TXNL1: variants seen among roughly 807,000 people sequenced by gnomAD.
TXNL1 encodes thioredoxin like 1, also known as thioredoxin-like protein 1.
TXNL1 carries 14 observed loss-of-function variants against 35.5 expected under a neutral mutation model. That is an observed-to-expected ratio of 0.39 (90% CI 0.26 to 0.62). The LOEUF (loss-of-function observed/expected upper bound fraction) is 0.62, where lower values mean the gene tolerates loss of function less well. Ranked by LOEUF, TXNL1 falls within the 20% of genes least tolerant of loss-of-function variation. The probability of loss-of-function intolerance (pLI) is 0.47; values close to 1 mark genes in which losing one functional copy is unlikely to be tolerated. For missense variants in TXNL1, 263 were observed against 349.7 expected (o/e 0.75, Z 1.98); for synonymous variants, 110 against 115.5 (o/e 0.95, Z 0.31).
At chr18:56,604,614 A>G (rs1244842897) in intron 7 of TXNL1, 2 of 152,218 alleles carry the variant, frequency 1.3e-5, no homozygotes, top group Non-Finnish European at 2.9e-5. Flanking sequence ...GGTGTAAAAA[A>G]TATTTATTCA....
Position 56,619,963 on chromosome 18 carries a change from G to GTTATTA in TXNL1, c.370-1843_370-1838dup, listed in dbSNP as rs549715712. ...ACATGCTTTAAAAAAACTCAATTTT[G>GTTATTA]TTATTATTATTATTATTATTTTTTT... On this transcript the variant is annotated intron_variant, in intron 3 of 7. Coordinates refer to ENST00000217515, the MANE Select transcript of TXNL1 (RefSeq NM_004786.3). Among the ~76,000 whole-genome samples the GTTATTA allele has an allele frequency of 1.8e-3, 276 of 151,834 alleles. 1 individual carries two copies. Among genetic ancestry groups the GTTATTA allele is most frequent in the African/African-American group, 6.3e-3 (262 of 41,418 alleles).
Position 56,598,345 on chromosome 18 carries a change from A to G in TXNL1, c.*4682T>C, listed in dbSNP as rs1307333110. Reference sequence around the variant, plus strand: ...AGCTTGATAAGTATCCGGATGAAATAATGGCAAGGTGTCATAGCAGCTGAG... The same window carrying G: ...AGCTTGATAAGTATCCGGATGAAATGATGGCAAGGTGTCATAGCAGCTGAG... On this transcript the variant is annotated 3_prime_UTR_variant, in exon 8 of 8. Coordinates refer to ENST00000217515, the MANE Select transcript of TXNL1 (RefSeq NM_004786.3). 1 of 152,208 alleles carries G rather than the reference A, an allele frequency of 6.6e-6. No homozygotes were observed. The highest frequency in any genetic ancestry group is 1.5e-5 in the Non-Finnish European group (1 of 68,046). 9.4% of individuals were successfully genotyped at this position (152,208 alleles called of 1,614,324 possible). A position where few individuals can be genotyped will look rare whatever the true frequency, so the allele number is the denominator to read the frequency against.
intron 6 of TXNL1, among the ~76,000 whole-genome samples, chr18:56,614,055 T>G (rs17090266): frequency 0.61 from 92,991 of 151,972 alleles, 33,152 homozygotes; most frequent in Non-Finnish European, 0.78. Context: ...ACCACCACAC[T>G]TAAAAACTCC....
intron 7 of TXNL1, chr18:56,605,181 C>G (rs1278947918): frequency 6.6e-6 from 1 of 152,072 alleles, no homozygotes; most frequent in Non-Finnish European, 1.5e-5. Context: ...ATTGAGGAAA[C>G]CTAGGTAACA....
At chr18:56,620,683 A>G (rs1243153597) in intron 3 of TXNL1, among the ~76,000 whole-genome samples, 2 of 152,244 alleles carry the variant, frequency 1.3e-5, no homozygotes, top group African/African-American at 2.4e-5. Flanking sequence ...CAAGTATTAT[A>G]GATGAGTCAC....
At position 56,597,942 on chromosome 18, in the gene TXNL1, T is replaced by G. The variant is rs1156484611; in HGVS notation, c.*5085A>C. Reference sequence around the variant, plus strand: ...TTGTGAGACATCACAGACTTCTCTATGCTCGCTCCTCCCATAAATTAAGGA... The same window carrying G: ...TTGTGAGACATCACAGACTTCTCTAGGCTCGCTCCTCCCATAAATTAAGGA... On this transcript the variant is annotated 3_prime_UTR_variant, in exon 8 of 8. Transcript: ENST00000217515. The G allele has an allele frequency of 6.6e-6, 1 of 152,260 alleles. No homozygotes were observed. The highest frequency in any genetic ancestry group is 1.5e-5 in the Non-Finnish European group (1 of 68,054). The allele number at this position is 152,260 out of a possible 1,614,324, so 9.4% of individuals were successfully genotyped here.
rs534088528 is a variant in TXNL1, at chr18:56,622,470, C to T, written c.369+1818G>A. ...ATGGTATCATCGTTATATAAGATTA[C>T]CAAATTTAAATACTGAATAACCCTG... On this transcript the variant is annotated intron_variant, in intron 3 of 7. Coordinates refer to ENST00000217515, the MANE Select transcript of TXNL1 (RefSeq NM_004786.3). Among the ~76,000 whole-genome samples the T allele has an allele frequency of 2.0e-4, 30 of 152,038 alleles. No individual in the cohort carries two copies. The South Asian group carries it at 6.2e-3, about 32-fold the overall frequency.
At chr18:56,603,206 CTG>C (rs2023835237) in intron 7 of TXNL1, 150 bp from the exon 8 acceptor site, 1 of 586,426 alleles carries the variant, frequency 1.7e-6, no homozygotes, top group Middle Eastern at 4.7e-4. Context: ...TTGAAGCAAA[CTG>C]TGACCTCCCC....
intron 7 of TXNL1, chr18:56,609,804 A>G (rs1320248593): frequency 6.6e-6 from 1 of 152,216 alleles, no homozygotes; most frequent in African/African-American, 2.4e-5. Context: ...GTCATAATAC[A>G]TATGTGAAAC....
chr18:56,625,445 G>A (rs765934085), intron 2 of TXNL1, among the ~76,000 whole-genome samples: 7 of 152,046 alleles, frequency 4.6e-5, no homozygotes, highest in Non-Finnish European at 7.4e-5. Context: ...AATCTGATCT[G>A]TATTTTATAC....
chr18:56,608,967 C>CAAAAAA (rs1568099229), intron 7 of TXNL1: 2 of 146,640 alleles, frequency 1.4e-5, no homozygotes, highest in Non-Finnish European at 1.5e-5. Context: ...AAAAAAAAAT[C>CAAAAAA]ATAAAATTCT....
At chr18:56,635,499 G>A (rs2024442263) in intron 1 of TXNL1, among the ~76,000 whole-genome samples, 1 of 152,278 alleles carries the variant, frequency 6.6e-6, no homozygotes, top group South Asian at 2.1e-4. Context: ...GCTAAGTGAA[G>A]TCAAAAACAA....
chr18:56,617,505 G>C (rs111941340), intron 4 of TXNL1, among the ~76,000 whole-genome samples: 15 of 152,330 alleles, frequency 9.8e-5, no homozygotes, highest in African/African-American at 3.6e-4. Flanking sequence ...ACTGAGAAAA[G>C]TAACAGCCAA....
At position 56,597,562 on chromosome 18, in the gene TXNL1, T is replaced by C. The variant is rs2023760038; in HGVS notation, c.*5465A>G. 6.6e-6 allele frequency: 1 copy of C among 152,152 alleles called. No individual in the cohort carries two copies. The highest frequency in any genetic ancestry group is 6.6e-5 in the Admixed American group (1 of 15,266). The allele number at this position is 152,152 out of a possible 1,614,324, so 9.4% of individuals were successfully genotyped here. ...ACACTACTTTATTACCACCTCCTGT[T>C]TTTCCTCCCTTTCCTGTTTACTACT... On this transcript the variant is annotated 3_prime_UTR_variant, in exon 8 of 8. Coordinates refer to ENST00000217515, the MANE Select transcript of TXNL1 (RefSeq NM_004786.3).
intron 3 of TXNL1, among the ~76,000 whole-genome samples, chr18:56,618,591 T>G (rs186905769): frequency 6.6e-6 from 1 of 151,900 alleles, no homozygotes; most frequent in African/African-American, 2.4e-5. Context: ...GTAAATCCCA[T>G]GTATCCACCA....
chr18:56,608,037 G>A (rs529054936), intron 7 of TXNL1, among the ~76,000 whole-genome samples: 1 of 152,174 alleles, frequency 6.6e-6, no homozygotes, highest in South Asian at 2.1e-4. Context: ...GTATGTACAG[G>A]GTTTGTTAGT....
chr18:56,628,583 C>T (rs1224889206), intron 1 of TXNL1, among the ~76,000 whole-genome samples: 2 of 152,136 alleles, frequency 1.3e-5, no homozygotes, highest in African/African-American at 2.4e-5. Context: ...CTAGCATATA[C>T]TATATGACTA....
intron 3 of TXNL1, among the ~76,000 whole-genome samples, chr18:56,621,924 C>CGGCAGG (rs2024193772): frequency 1.4e-5 from 2 of 147,510 alleles, no homozygotes; most frequent in South Asian, 2.1e-4. Context: ...TTCAAACGAG[C>CGGCAGG]GGCAGGGGCA....
chr18:56,617,791 T>A (rs1283009620), intron 4 of TXNL1, among the ~76,000 whole-genome samples: 1 of 152,206 alleles, frequency 6.6e-6, no homozygotes, highest in African/African-American at 2.4e-5. Context: ...TTCAGCAATT[T>A]TTCTTAGTGC....
Sources: allele counts gnomAD v4.1 joint callset (sites outside exome capture counted in the v4.1 genomes callset), GRCh38; gene constraint gnomAD v4.1.1; transcripts MANE v1.5; gene names NCBI Gene and HGNC (gene_info 2026-07-23, HGNC 2026-07-21).